The following SRGAP3 variants were observed in gnomAD, a reference collection of about 807,000 sequenced individuals.
The protein encoded by SRGAP3 is SLIT-ROBO Rho GTPase activating protein 3.
A neutral mutation model predicts 121.1 loss-of-function variants in SRGAP3; 39 were observed. The observed-to-expected ratio is 0.32, with a 90% CI of 0.25 to 0.42. The LOEUF is 0.42. SRGAP3 is among the 10% of genes least tolerant of loss of function. SRGAP3 has a pLI of 1.00. For missense variants in SRGAP3, 1,213 were observed against 1,470.6 expected, an observed-to-expected ratio of 0.82 and a Z score of 2.86; for synonymous variants, 601 against 570.0, an observed-to-expected ratio of 1.05 and a Z score of -0.77.
chr3:9,158,538 AT>A (rs1179087376), intron 1 of SRGAP3, among the ~76,000 whole-genome samples: 1 of 152,230 alleles, frequency 6.6e-6, no homozygotes, highest in African/African-American at 2.4e-5. Flanking sequence ...TACCCCCGGT[AT>A]TCATTCATTA....
intron 3 of SRGAP3, among the ~76,000 whole-genome samples, chr3:9,276,993 C>T (rs957940884): frequency 6.6e-6 from 1 of 152,218 alleles, no homozygotes; most frequent in Admixed American, 6.5e-5. Context: ...ACTGCTCAGC[C>T]ATTCACAAGA....
chr3:8,992,813 G>C, intron 20 of SRGAP3, 93 bp downstream of exon 20: 1 of 1,606,118 alleles, frequency 6.2e-7, no homozygotes, highest in Non-Finnish European at 8.5e-7. Flanking sequence ...GCTGCAGTAG[G>C]CTCCTTCTCT....
At chr3:9,320,931 G>A (rs1955429288) in intron 3 of SRGAP3, among the ~76,000 whole-genome samples, 2 of 151,822 alleles carry the variant, frequency 1.3e-5, no homozygotes, top group African/African-American at 4.8e-5. Flanking sequence ...TATACAGACA[G>A]TATATGTAAT....
chr3:9,013,792 T>G lies in SRGAP3; in HGVS notation c.1864A>C (p.Thr622Pro), dbSNP rs755052455. ...ACCACAATGACCACGCGGGGAAGGG[T>G]GACGAGGATTTGTTGGATCTGGTGC... ...RVHQIQQILV[T>P]LPRVVIVVMR... Residue 622 changes from threonine to proline, a missense_variant, in exon 16 of 22, where the codon ACC becomes CCC. Physicochemically the swap from Thr to Pro is conservative, Grantham distance 38 (BLOSUM62 -1). This residue lies in a region of SRGAP3 where 793 missense variants were observed against 1,032.9 expected (regional missense o/e 0.77). Coordinates refer to ENST00000383836, the MANE Select transcript of SRGAP3 (RefSeq NM_014850.4). 8 of 1,613,868 alleles carry G rather than the reference T, an allele frequency of 5.0e-6. No homozygotes were observed. Among genetic ancestry groups the G allele is most frequent in the Non-Finnish European group, 6.8e-6 (8 of 1,179,950 alleles).
chr3:8,990,173 A>T (rs1327834853), intron 21 of SRGAP3, among the ~76,000 whole-genome samples: 1 of 152,240 alleles, frequency 6.6e-6, no homozygotes, highest in Non-Finnish European at 1.5e-5. Context: ...ATGAAGAGAG[A>T]AATGAATGAA....
intron 3 of SRGAP3, among the ~76,000 whole-genome samples, chr3:9,272,185 G>A (rs554092498): frequency 5.6e-4 from 86 of 152,320 alleles, no homozygotes; most frequent in African/African-American, 1.6e-3. Context: ...GTTGTCAGTC[G>A]TTACGGTGGT....
At chr3:9,230,194 T>C (rs1212177492) in intron 1 of SRGAP3, among the ~76,000 whole-genome samples, 1 of 152,094 alleles carries the variant, frequency 6.6e-6, no homozygotes, top group Non-Finnish European at 1.5e-5. Flanking sequence ...TCAATAACTG[T>C]TTGAGGTTGG....
At chr3:9,303,983 A>C (rs975253198) in intron 3 of SRGAP3, among the ~76,000 whole-genome samples, 1 of 152,134 alleles carries the variant, frequency 6.6e-6, no homozygotes, top group African/African-American at 2.4e-5. Flanking sequence ...CAACGGGGGA[A>C]ATCTAGGCAC....
chr3:9,164,280 A>T (rs75741263), intron 1 of SRGAP3, among the ~76,000 whole-genome samples: 16 of 147,580 alleles, frequency 1.1e-4, no homozygotes, highest in African/African-American at 4.0e-4. Flanking sequence ...AGACTATTTT[A>T]TTTATTTATT....
rs1941410871 is a variant in SRGAP3, at chr3:8,981,464, A to G, written c.*4055T>C. On this transcript the variant is annotated 3_prime_UTR_variant, in exon 22 of 22. Coordinates refer to ENST00000383836, the MANE Select transcript of SRGAP3 (RefSeq NM_014850.4). The stretch of plus-strand genomic sequence containing the variant: ...CATCTGGATGTGTGAAAAGTTAGGA[A>G]TAGAAAGACTGAGAGGAAGAACCAT... The G allele has an allele frequency of 4.3e-6, 1 of 232,228 alleles. No individual in the cohort carries two copies. Among genetic ancestry groups the G allele is most frequent in the African/African-American group, 2.2e-5 (1 of 45,286 alleles). 14.4% of individuals were successfully genotyped at this position (232,228 alleles called of 1,614,324 possible).
intron 7 of SRGAP3, among the ~76,000 whole-genome samples, chr3:9,057,374 A>C (rs1945873757): frequency 6.6e-6 from 1 of 152,180 alleles, no homozygotes; most frequent in South Asian, 2.1e-4. Flanking sequence ...GCACAACCCA[A>C]AGTTTACGGT....
intron 1 of SRGAP3, among the ~76,000 whole-genome samples, chr3:9,171,750 A>G (rs1950982059): frequency 6.6e-6 from 1 of 152,200 alleles, no homozygotes; most frequent in African/African-American, 2.4e-5. Context: ...AGAGGCTCTG[A>G]TGGGATCCAA....
At chr3:9,298,337 A>C (rs1292682579) in intron 3 of SRGAP3, among the ~76,000 whole-genome samples, 2 of 152,246 alleles carry the variant, frequency 1.3e-5, no homozygotes, top group Non-Finnish European at 2.9e-5. Flanking sequence ...CCACAGTAAC[A>C]GAAGGAAAAA....
chr3:9,134,825 A>C (rs533941752), intron 1 of SRGAP3, among the ~76,000 whole-genome samples: 5 of 152,118 alleles, frequency 3.3e-5, no homozygotes, highest in Non-Finnish European at 7.4e-5. Context: ...CCCTCCTCTG[A>C]GGAGAGAAAT....
chr3:9,298,166 G>T (rs1351442995), intron 3 of SRGAP3, among the ~76,000 whole-genome samples: 1 of 152,170 alleles, frequency 6.6e-6, no homozygotes, highest in South Asian at 2.1e-4. Context: ...TTTTCTGAAA[G>T]ATAAAATAGG....
At chr3:9,149,614 C>T (rs1385451360) in intron 1 of SRGAP3, among the ~76,000 whole-genome samples, 1 of 152,208 alleles carries the variant, frequency 6.6e-6, no homozygotes, top group Non-Finnish European at 1.5e-5. Flanking sequence ...CTGCCATCAC[C>T]AGCAGCACAT....
chr3:9,346,321 T>C (rs2125292399), intron 1 of SRGAP3, among the ~76,000 whole-genome samples: 1 of 152,328 alleles, frequency 6.6e-6, no homozygotes, highest in Middle Eastern at 3.4e-3. Flanking sequence ...CATAGCTCAC[T>C]GCACCTTGAA....
chr3:9,067,107 G>C (rs542526029), intron 4 of SRGAP3, among the ~76,000 whole-genome samples: 1 of 152,240 alleles, frequency 6.6e-6, no homozygotes, highest in Admixed American at 6.5e-5. Flanking sequence ...CACATAGTAA[G>C]AGCCATGGAG....
rs141588060 is a variant in SRGAP3 at position 9,028,205 on chromosome 3, T to A, written c.1540-1210A>T. 2.5e-4 allele frequency: 400 copies of A among 1,591,956 alleles called. No homozygotes were observed. The African/African-American group carries it at 4.6e-3, about 18-fold the overall frequency. ...TATGCAGGAATAAGATCAGTTAGAG[T>A]AAGCAGATCCTTCAGAGTCCGTGAA... On this transcript the variant is annotated intron_variant, in intron 12 of 21. Coordinates refer to ENST00000383836, the MANE Select transcript of SRGAP3 (RefSeq NM_014850.4).
Sources: gnomAD v4.1 joint callset for allele counts (sites outside exome capture counted in the v4.1 genomes callset) on GRCh38, gnomAD v4.1.1 for gene constraint, gnomAD v4.1.1 regional missense constraint, MANE v1.5 for transcripts, NCBI Gene and HGNC (gene_info 2026-07-23, HGNC 2026-07-21) for gene names.